Variants in HMBOX1 observed in about 807,000 individuals in gnomAD.
HMBOX1 encodes homeobox containing 1.
Under a neutral mutation model 54.5 loss-of-function variants are expected in HMBOX1, and 14 were observed. The observed-to-expected ratio is 0.26, with a 90% CI of 0.17 to 0.40. The LOEUF (loss-of-function observed/expected upper bound fraction) is 0.40. Ranked by LOEUF, HMBOX1 falls within the 10% of genes least tolerant of loss-of-function variation. The pLI is 1.00. For synonymous variants in HMBOX1, 160 were observed against 181.0 expected (o/e 0.88, Z 0.93); for missense variants, 332 against 514.4 (o/e 0.65, Z 3.43).
intron 1 of HMBOX1, among the ~76,000 whole-genome samples, chr8:28,918,197 A>AT (rs1449636648): frequency 6.6e-6 from 1 of 151,870 alleles, no homozygotes; most frequent in Non-Finnish European, 1.5e-5. Context: ...TATTCATGTT[A>AT]TTTTTATTTT....
chr8:28,944,450 G>A (rs1822044696), intron 1 of HMBOX1, among the ~76,000 whole-genome samples: 1 of 152,130 alleles, frequency 6.6e-6, no homozygotes, highest in Non-Finnish European at 1.5e-5. Flanking sequence ...ATAAAATAAA[G>A]CTTACCAAGA....
chr8:28,938,612 ATTT>A (rs778373499), intron 1 of HMBOX1, among the ~76,000 whole-genome samples: 1 of 140,630 alleles, frequency 7.1e-6, no homozygotes, highest in Non-Finnish European at 1.6e-5. Flanking sequence ...ACTCCTGGCA[ATTT>A]TTTTTTTTTT....
intron 1 of HMBOX1, among the ~76,000 whole-genome samples, chr8:28,904,707 C>T (rs1254809188): frequency 6.8e-6 from 1 of 146,460 alleles, no homozygotes; most frequent in Non-Finnish European, 1.5e-5. Context: ...GATGGAGTCT[C>T]GCTCTGTCAC....
chr8:28,942,697 TTTC>T (rs1821671762), intron 1 of HMBOX1, among the ~76,000 whole-genome samples: 1 of 152,206 alleles, frequency 6.6e-6, no homozygotes, highest in Non-Finnish European at 1.5e-5. Context: ...CATAACGAAT[TTTC>T]TTATTTTTTT....
chr8:28,947,090 G>A (rs1822601990), intron 1 of HMBOX1, among the ~76,000 whole-genome samples: 1 of 152,132 alleles, frequency 6.6e-6, no homozygotes, highest in African/African-American at 2.4e-5. Flanking sequence ...TTTTAAAGAC[G>A]GGTGTGTAAG....
chr8:29,049,344 G>A (rs1381246821), intron 9 of HMBOX1: 1 of 1,533,728 alleles, frequency 6.5e-7, no homozygotes, highest in Admixed American at 2.0e-5. Flanking sequence ...TTCAGAGGGA[G>A]GCAGAGAAGC....
chr8:28,938,075 T>C (rs1372380011), intron 1 of HMBOX1, among the ~76,000 whole-genome samples: 3 of 152,194 alleles, frequency 2.0e-5, no homozygotes, highest in Non-Finnish European at 4.4e-5. Context: ...AGTTCTTATA[T>C]GTCTGGTATT....
At chr8:28,994,915 T>C (rs1424873932) in intron 4 of HMBOX1, among the ~76,000 whole-genome samples, 2 of 152,152 alleles carry the variant, frequency 1.3e-5, no homozygotes, top group Non-Finnish European at 2.9e-5. Flanking sequence ...CAGGGGGGAT[T>C]TTTGCCCATT....
chr8:29,049,462 C>CTAA, intron 9 of HMBOX1: 1 of 1,488,554 alleles, frequency 6.7e-7, no homozygotes, highest in South Asian at 1.3e-5. Flanking sequence ...GACCCCATGC[C>CTAA]TAAACACGTA....
chr8:28,918,477 A>G (rs1816962168), intron 1 of HMBOX1, among the ~76,000 whole-genome samples: 1 of 152,178 alleles, frequency 6.6e-6, no homozygotes, highest in Non-Finnish European at 1.5e-5. Flanking sequence ...TGTTGGGATT[A>G]CAGGCGTGAG....
At chr8:28,962,243 T>A (rs1009072395) in intron 1 of HMBOX1, among the ~76,000 whole-genome samples, 1 of 152,190 alleles carries the variant, frequency 6.6e-6, no homozygotes, top group Non-Finnish European at 1.5e-5. Context: ...TTTTAGAACA[T>A]TCCTTTTTTT....
At chr8:29,022,845 TA>T (rs1801397202) in intron 6 of HMBOX1, among the ~76,000 whole-genome samples, 1 of 113,700 alleles carries the variant, frequency 8.8e-6, no homozygotes. Flanking sequence ...TACGTAATTA[TA>T]TATCAAAATT....
chr8:29,004,312 A>G (rs1833107629), intron 4 of HMBOX1, among the ~76,000 whole-genome samples: 1 of 152,212 alleles, frequency 6.6e-6, no homozygotes, highest in African/African-American at 2.4e-5. Flanking sequence ...ACTAACATGT[A>G]AGAAGCTAGC....
At chr8:28,939,019 G>A (rs1820883569) in intron 1 of HMBOX1, among the ~76,000 whole-genome samples, 1 of 152,174 alleles carries the variant, frequency 6.6e-6, no homozygotes, top group Non-Finnish European at 1.5e-5. Context: ...GCCAGGTGTG[G>A]TGGCTCACGC....
At chr8:29,023,305 G>C (rs1013328585) in intron 6 of HMBOX1, among the ~76,000 whole-genome samples, 1 of 152,128 alleles carries the variant, frequency 6.6e-6, no homozygotes, top group Admixed American at 6.5e-5. Context: ...GCCTTAATGA[G>C]ATACAATTCA....
chr8:28,926,935 T>C (rs925362040), intron 1 of HMBOX1, among the ~76,000 whole-genome samples: 6 of 152,152 alleles, frequency 3.9e-5, no homozygotes, highest in African/African-American at 1.4e-4. Context: ...TTTAATCACA[T>C]GATCCATTCA....
chr8:29,036,409 C>CAGT (rs1364223706), intron 6 of HMBOX1, among the ~76,000 whole-genome samples: 4 of 152,126 alleles, frequency 2.6e-5, no homozygotes, highest in Non-Finnish European at 4.4e-5. Context: ...GTTAACTGTG[C>CAGT]AGTAGACAGA....
chr8:28,891,242 C>G (rs1166971969), intron 1 of HMBOX1: 1 of 152,304 alleles, frequency 6.6e-6, no homozygotes, highest in Non-Finnish European at 1.5e-5. Flanking sequence ...GCTTGTGTCC[C>G]GTCGCCCGCT....
Position 29,051,876 on chromosome 8 carries a change from A to AAAG in HMBOX1, c.*723_*725dup. On this transcript the variant is annotated 3_prime_UTR_variant, in exon 10 of 10. Transcript: ENST00000287701. ...TGCCTTTGGGACCATGATTAAAAAC[A>AAAG]AAGACAAAAACCAAAAGTCATTAAA... The AAAG allele has an allele frequency of 3.1e-6, 1 of 321,092 alleles. No individual in the cohort carries two copies. The highest frequency in any genetic ancestry group is 5.6e-6 in the Non-Finnish European group (1 of 177,506). The allele number at this position is 321,092 out of a possible 1,614,324, so 19.9% of individuals were successfully genotyped here. A position where few individuals can be genotyped will look rare whatever the true frequency, so the allele number is the denominator to read the frequency against.
Sources: allele counts gnomAD v4.1 joint callset (sites outside exome capture counted in the v4.1 genomes callset), GRCh38; gene constraint gnomAD v4.1.1; transcripts MANE v1.5; gene names NCBI Gene and HGNC (gene_info 2026-07-23, HGNC 2026-07-21).